The following SYCE3 variants were observed in gnomAD, a reference collection of about 807,000 sequenced individuals.
SYCE3 encodes the protein testis highly expressed gene 2 protein.
Under a neutral mutation model 8.1 loss-of-function variants are expected in SYCE3, and 3 were observed. That is an observed-to-expected ratio of 0.37 (90% CI 0.17 to 0.96). The LOEUF (loss-of-function observed/expected upper bound fraction) is 0.96. SYCE3 is among the 40% of genes least tolerant of loss of function. The probability of loss-of-function intolerance (pLI) is 0.41; values close to 1 mark genes in which losing one functional copy is unlikely to be tolerated. For synonymous variants in SYCE3, 36 were observed against 38.7 expected (o/e 0.93, Z 0.26); for missense variants, 83 against 110.0 (o/e 0.75, Z 1.10).
chr22:50,553,178 G>A (rs962417926), intron 2 of SYCE3, among the ~76,000 whole-genome samples: 1 of 149,564 alleles, frequency 6.7e-6, no homozygotes, highest in African/African-American at 2.5e-5. Flanking sequence ...CTCCAGTTTG[G>A]GTGACAGAGT....
intron 1 of SYCE3, among the ~76,000 whole-genome samples, chr22:50,560,554 A>G (rs1462848203): frequency 6.6e-6 from 1 of 152,032 alleles, no homozygotes; most frequent in Non-Finnish European, 1.5e-5. Context: ...AAGTAAAAAT[A>G]TTTCATGAAT....
intron 2 of SYCE3, among the ~76,000 whole-genome samples, chr22:50,555,063 A>C (rs1022024534): frequency 6.6e-6 from 1 of 151,978 alleles, no homozygotes; most frequent in Non-Finnish European, 1.5e-5. Flanking sequence ...CGGAGCTTGC[A>C]GTGAGCCGAG....
At chr22:50,561,585 G>A (rs1290052763) in intron 1 of SYCE3, among the ~76,000 whole-genome samples, 1 of 151,828 alleles carries the variant, frequency 6.6e-6, no homozygotes, top group Non-Finnish European at 1.5e-5. Flanking sequence ...GTCTGGCTTG[G>A]GTATCACTTT....
At chr22:50,561,204 A>G (rs2069911188) in intron 1 of SYCE3, among the ~76,000 whole-genome samples, 1 of 152,142 alleles carries the variant, frequency 6.6e-6, no homozygotes. Context: ...GAGGCATAGA[A>G]AAGACATGTA....
At chr22:50,555,992 A>G (rs1419026308) in intron 2 of SYCE3, among the ~76,000 whole-genome samples, 1 of 151,892 alleles carries the variant, frequency 6.6e-6, no homozygotes, top group African/African-American at 2.4e-5. Context: ...ACGAGGTTTT[A>G]CTGTGTTAGC....
chr22:50,554,994 C>T lies in SYCE3; in HGVS notation c.109+1303G>A, dbSNP rs534511092. 4.2e-4 allele frequency among the ~76,000 whole-genome samples: 64 copies of T among 150,954 alleles called. No individual in the cohort carries two copies. The South Asian group carries it at 9.5e-3, about 22-fold the overall frequency. On this transcript the variant is annotated intron_variant, in intron 2 of 2. Transcript: ENST00000406915. ...AAAATTAGCCAGGCGTGGTGGCGGG[C>T]GCCTGTAGTCCCAGCTACTCGGGAG...
chr22:50,553,841 A>G (rs1367594385), intron 2 of SYCE3, among the ~76,000 whole-genome samples: 2 of 152,154 alleles, frequency 1.3e-5, no homozygotes, highest in African/African-American at 4.8e-5. Flanking sequence ...TCGGCTTCCC[A>G]AAGTGCTGGG....
intron 1 of SYCE3, among the ~76,000 whole-genome samples, chr22:50,557,158 T>G (rs1412789319): frequency 1.1e-4 from 4 of 35,198 alleles, no homozygotes; most frequent in Admixed American, 2.6e-4. Flanking sequence ...TTTTTTTGAG[T>G]TTTTTTTTTT....
intron 2 of SYCE3, among the ~76,000 whole-genome samples, chr22:50,554,222 G>T (rs576732775): frequency 1.3e-5 from 2 of 151,162 alleles, no homozygotes; most frequent in Non-Finnish European, 2.9e-5. Context: ...AATACGCAGC[G>T]TAGGTCATTT....
Position 50,551,172 on chromosome 22 carries a change from G to A in SYCE3, c.*73C>T. 1.3e-6 allele frequency: 2 copies of A among 1,520,148 alleles called. No homozygotes were observed. Among genetic ancestry groups the A allele is most frequent in the African/African-American group, 1.4e-5 (1 of 72,592 alleles). The allele number at this position is 1,520,148 out of a possible 1,614,324, so 94.2% of individuals were successfully genotyped here. A position where few individuals can be genotyped will look rare whatever the true frequency, so the allele number is the denominator to read the frequency against. ...AGTGCATACAGCTATTCATGTGGGT[G>A]CCAGCTCCATCCCCCAGTGACCTCT... On this transcript the variant is annotated 3_prime_UTR_variant, in exon 3 of 3. Transcript: ENST00000406915.
intron 1 of SYCE3, among the ~76,000 whole-genome samples, chr22:50,556,899 A>G (rs1353185522): frequency 6.6e-6 from 1 of 152,240 alleles, no homozygotes; most frequent in African/African-American, 2.4e-5. Flanking sequence ...TGTAATAATT[A>G]CAGACATCAA....
chr22:50,555,995 G>A (rs2069856825), intron 2 of SYCE3, among the ~76,000 whole-genome samples: 1 of 151,878 alleles, frequency 6.6e-6, no homozygotes, highest in Non-Finnish European at 1.5e-5. Context: ...AGGTTTTACT[G>A]TGTTAGCCAG....
intron 1 of SYCE3, among the ~76,000 whole-genome samples, chr22:50,561,926 G>A (rs917541124): frequency 1.4e-5 from 2 of 146,898 alleles, no homozygotes; most frequent in Non-Finnish European, 3.0e-5. Flanking sequence ...GGGGTCCCAG[G>A]TGTGGCAGGT....
At chr22:50,551,545 C>T (rs2069809618) in intron 2 of SYCE3, 143 bp from the exon 3 acceptor site, 3 of 837,704 alleles carry the variant, frequency 3.6e-6, no homozygotes, top group Non-Finnish European at 3.6e-6. Context: ...TAGGGAGAGA[C>T]AGCTGGTAGG....
intron 1 of SYCE3, among the ~76,000 whole-genome samples, chr22:50,561,282 G>A (rs2069912199): frequency 6.6e-6 from 1 of 152,120 alleles, no homozygotes; most frequent in South Asian, 2.1e-4. Context: ...ACTGCTAGAA[G>A]GATGGAGGCT....
chr22:50,560,217 G>A (rs2069900879), intron 1 of SYCE3, among the ~76,000 whole-genome samples: 1 of 152,180 alleles, frequency 6.6e-6, no homozygotes, highest in Admixed American at 6.5e-5. Context: ...GGCATGGCAG[G>A]CCCAGGCATG....
intron 1 of SYCE3, among the ~76,000 whole-genome samples, chr22:50,561,951 G>C (rs970711223): frequency 1.4e-5 from 2 of 144,644 alleles, no homozygotes; most frequent in Non-Finnish European, 3.0e-5. Context: ...GGGTAAGAGG[G>C]GCAGGCTGCA....
intron 1 of SYCE3, among the ~76,000 whole-genome samples, chr22:50,558,655 G>T (rs1036923476): frequency 6.6e-6 from 1 of 152,150 alleles, no homozygotes; most frequent in Non-Finnish European, 1.5e-5. Context: ...CTGCTTTTTG[G>T]TAAGTAGGAA....
intron 2 of SYCE3, among the ~76,000 whole-genome samples, chr22:50,551,879 GCAC>G (rs1209964453): frequency 1.3e-5 from 2 of 152,130 alleles, no homozygotes; most frequent in East Asian, 3.9e-4. Context: ...CTCCACCTGG[GCAC>G]CTCTATGCTT....
Sources: gnomAD v4.1 joint callset for allele counts (sites outside exome capture counted in the v4.1 genomes callset) on GRCh38, gnomAD v4.1.1 for gene constraint, MANE v1.5 for transcripts, NCBI Gene and HGNC (gene_info 2026-07-23, HGNC 2026-07-21) for gene names.